Variants in ZCWPW2 observed in about 807,000 individuals in gnomAD.
ZCWPW2 encodes zinc finger CW-type PWWP domain protein 2.
ZCWPW2 carries 45 observed loss-of-function variants against 46.6 expected under a neutral mutation model. That is an observed-to-expected ratio of 0.96 (90% CI 0.76 to 1.24). The LOEUF is 1.24. Among genes scored for constraint, ZCWPW2 ranks in the 50% most tolerant of loss-of-function variants. ZCWPW2 has a pLI of 0.00. For missense variants in ZCWPW2, 429 were observed against 403.9 expected (o/e 1.06, Z -0.53); for synonymous variants, 152 against 137.1 (o/e 1.11, Z -0.76).
At chr3:28,373,861 T>C (rs1356115818) in intron 1 of ZCWPW2, among the ~76,000 whole-genome samples, 1 of 152,168 alleles carries the variant, frequency 6.6e-6, no homozygotes, top group Non-Finnish European at 1.5e-5. Context: ...GTTTGTTTTT[T>C]GCTGTTGTTT....
chr3:28,497,476 C>CTATTCTAGCTGATATAGAGAAAAAT (rs1700023508), intron 6 of ZCWPW2, among the ~76,000 whole-genome samples: 1 of 151,440 alleles, frequency 6.6e-6, no homozygotes, highest in Non-Finnish European at 1.5e-5. Flanking sequence ...TGTGGTGCTT[C>CTATTCTAGCTGATATAGAGAAAAAT]TATAAGAAAT....
Position 28,520,945 on chromosome 3 carries a change from A to T in ZCWPW2, c.785-47A>T, listed in dbSNP as rs371260090. On this transcript the variant is annotated intron_variant, in intron 8 of 9. Transcript: ENST00000383768. ...TAGTTAAGATTATGAATTAGATTGA[A>T]TTAAGTGAGATGTAGCATTTTTACT... The T allele has an allele frequency of 4.5e-5, 73 of 1,605,494 alleles. No homozygotes were observed. In the African/African-American group the frequency reaches 9.4e-4, roughly 21 times the overall value.
At chr3:28,486,909 T>A (rs945715603) in intron 5 of ZCWPW2, among the ~76,000 whole-genome samples, 5 of 139,956 alleles carry the variant, frequency 3.6e-5, no homozygotes, top group Admixed American at 7.0e-5. Flanking sequence ...GATTTCTAGG[T>A]GGCTGTGTTA....
chr3:28,428,120 A>G (rs1052438422), intron 3 of ZCWPW2: 3 of 152,324 alleles, frequency 2.0e-5, no homozygotes, highest in South Asian at 4.1e-4. Flanking sequence ...GGTAAACTCC[A>G]CTCAAGTTTG....
At chr3:28,464,837 A>G (rs993572707) in intron 4 of ZCWPW2, among the ~76,000 whole-genome samples, 12 of 152,162 alleles carry the variant, frequency 7.9e-5, no homozygotes, top group African/African-American at 2.2e-4. Flanking sequence ...AGGACATTTT[A>G]TTATTTTAGT....
chr3:28,420,008 G>C (rs1190780875), intron 3 of ZCWPW2, among the ~76,000 whole-genome samples: 1 of 148,954 alleles, frequency 6.7e-6, no homozygotes, highest in Non-Finnish European at 1.5e-5. Context: ...ACACCATCAT[G>C]GCACGTGTAT....
chr3:28,489,702 A>C (rs963951290), intron 5 of ZCWPW2, among the ~76,000 whole-genome samples: 7 of 147,126 alleles, frequency 4.8e-5, no homozygotes, highest in Non-Finnish European at 7.5e-5. Context: ...ACACACACAC[A>C]CACCCCATGT....
chr3:28,434,360 C>G (rs1474439697), intron 3 of ZCWPW2, among the ~76,000 whole-genome samples: 1 of 150,848 alleles, frequency 6.6e-6, no homozygotes, highest in African/African-American at 2.4e-5. Context: ...AAACCAAATA[C>G]AACAAAAAAA....
chr3:28,360,829 C>A (rs13095675), intron 1 of ZCWPW2, among the ~76,000 whole-genome samples: 74,399 of 151,880 alleles, frequency 0.49, 18,840 homozygotes, highest in Non-Finnish European at 0.55. Context: ...AGGAAGACTC[C>A]TACATTCTGA....
chr3:28,508,456 CTTTT>C (rs1406272081), intron 6 of ZCWPW2, among the ~76,000 whole-genome samples: 1 of 151,974 alleles, frequency 6.6e-6, no homozygotes, highest in Non-Finnish European at 1.5e-5. Flanking sequence ...CATGAGGTTT[CTTTT>C]GTTAATAATT....
intron 1 of ZCWPW2, among the ~76,000 whole-genome samples, chr3:28,362,889 G>C (rs1704994539): frequency 1.3e-5 from 2 of 152,074 alleles, no homozygotes; most frequent in African/African-American, 4.8e-5. Context: ...TCATAAAAAA[G>C]AATGAGATGA....
chr3:28,397,105 G>A (rs979654967), intron 2 of ZCWPW2, among the ~76,000 whole-genome samples: 20 of 151,124 alleles, frequency 1.3e-4, no homozygotes, highest in African/African-American at 4.9e-4. Flanking sequence ...CTCTGGCCTG[G>A]GTGACAAAAC....
At chr3:28,452,623 G>T (rs1698270064) in intron 4 of ZCWPW2, among the ~76,000 whole-genome samples, 1 of 152,152 alleles carries the variant, frequency 6.6e-6, no homozygotes. Context: ...AATTGTGATA[G>T]CATCTGCCTT....
At chr3:28,358,857 T>C (rs12106746) in intron 1 of ZCWPW2, among the ~76,000 whole-genome samples, 31,927 of 152,038 alleles carry the variant, frequency 0.21, 3,745 homozygotes, top group Admixed American at 0.28. Context: ...CAATCCTTTT[T>C]CTGAAATAAT....
chr3:28,437,834 A>G (rs765434359), intron 4 of ZCWPW2, among the ~76,000 whole-genome samples: 4 of 152,194 alleles, frequency 2.6e-5, no homozygotes, highest in Non-Finnish European at 5.9e-5. Context: ...GTATTCAGAG[A>G]TGGGATTCTG....
intron 3 of ZCWPW2, among the ~76,000 whole-genome samples, chr3:28,420,660 T>G (rs2125747042): frequency 6.6e-6 from 1 of 152,218 alleles, no homozygotes; most frequent in East Asian, 1.9e-4. Flanking sequence ...AATTTTGATC[T>G]TTGTAAGGCC....
intron 6 of ZCWPW2, among the ~76,000 whole-genome samples, chr3:28,512,080 C>T (rs1445785808): frequency 6.6e-6 from 1 of 151,974 alleles, no homozygotes; most frequent in African/African-American, 2.4e-5. Context: ...AAGATATGTT[C>T]CTGGATATTG....
chr3:28,434,994 T>C, intron 3 of ZCWPW2, 116 bp from the exon 4 acceptor site: 2 of 1,022,674 alleles, frequency 2.0e-6, no homozygotes, highest in Non-Finnish European at 2.9e-6. Context: ...TAGGAATATA[T>C]GTTTTGTGAA....
At chr3:28,349,366 G>A (rs907766175) in intron 1 of ZCWPW2, among the ~76,000 whole-genome samples, 163 bp downstream of exon 1, 11 of 152,172 alleles carry the variant, frequency 7.2e-5, no homozygotes, top group Non-Finnish European at 1.5e-4. Context: ...GAGCTGACGT[G>A]GCTGGGAACT....
Sources: allele counts gnomAD v4.1 joint callset (sites outside exome capture counted in the v4.1 genomes callset), GRCh38; gene constraint gnomAD v4.1.1; transcripts MANE v1.5; gene names NCBI Gene and HGNC (gene_info 2026-07-23, HGNC 2026-07-21).